The following CNPY1 variants were observed in gnomAD, a reference collection of about 807,000 sequenced individuals.
The protein encoded by CNPY1 is canopy FGF signaling regulator 1, also known as protein canopy homolog 1.
Under a neutral mutation model 14.4 loss-of-function variants are expected in CNPY1, and 14 were observed. The observed-to-expected ratio is 0.97, with a 90% CI of 0.64 to 1.52. The LOEUF (loss-of-function observed/expected upper bound fraction) is 1.52. Ranked by LOEUF, CNPY1 falls within the 40% of genes most tolerant of loss-of-function variation. The pLI is 0.00. For synonymous variants in CNPY1, 43 were observed against 46.5 expected (o/e 0.92, Z 0.31); for missense variants, 129 against 131.5 (o/e 0.98, Z 0.09).
chr7:155,543,082 C>T (rs1797105836), intron 2 of CNPY1, among the ~76,000 whole-genome samples: 2 of 152,174 alleles, frequency 1.3e-5, no homozygotes, highest in African/African-American at 4.8e-5. Flanking sequence ...TCTCCAAGGA[C>T]CCTGTGGCAT....
intron 2 of CNPY1, among the ~76,000 whole-genome samples, chr7:155,529,119 G>A (rs996926953): frequency 6.6e-6 from 1 of 151,972 alleles, no homozygotes; most frequent in Non-Finnish European, 1.5e-5. Flanking sequence ...CTGGGCTTCC[G>A]AACCTGGAGG....
At chr7:155,527,054 C>CTTTCTTTCTTTCTTTTTTTTTT (rs56296833) in intron 2 of CNPY1, among the ~76,000 whole-genome samples, 2 of 90,344 alleles carry the variant, frequency 2.2e-5, no homozygotes, top group African/African-American at 5.1e-5. Flanking sequence ...TTCTTTCTTT[C>CTTTCTTTCTTTCTTTTTTTTTT]TTTTTTTTTT....
intron 2 of CNPY1, among the ~76,000 whole-genome samples, chr7:155,539,083 G>A (rs1797056383): frequency 6.6e-6 from 1 of 152,166 alleles, no homozygotes; most frequent in Non-Finnish European, 1.5e-5. Context: ...CGGTCCCTTG[G>A]TCCATAGAAA....
intron 2 of CNPY1, among the ~76,000 whole-genome samples, chr7:155,542,969 A>G (rs1174426536): frequency 1.3e-5 from 2 of 151,816 alleles, no homozygotes; most frequent in East Asian, 1.9e-4. Flanking sequence ...GGGTCCGCAC[A>G]GTGCCGAGAG....
intron 2 of CNPY1, among the ~76,000 whole-genome samples, chr7:155,512,139 G>A (rs370448610): frequency 1.1e-3 from 163 of 152,256 alleles, no homozygotes; most frequent in African/African-American, 3.9e-3. Context: ...AGGGAGCCTT[G>A]CCTCTGCCCT....
At chr7:155,513,651 T>G (rs1254252983) in intron 2 of CNPY1, among the ~76,000 whole-genome samples, 1 of 152,128 alleles carries the variant, frequency 6.6e-6, no homozygotes, top group Non-Finnish European at 1.5e-5. Context: ...AATGTGATTT[T>G]GGGGGGATAT....
At chr7:155,503,275 G>A (rs1428221474) in intron 4 of CNPY1, among the ~76,000 whole-genome samples, 170 bp from the exon 5 acceptor site, 1 of 152,112 alleles carries the variant, frequency 6.6e-6, no homozygotes, top group Non-Finnish European at 1.5e-5. Flanking sequence ...GCAGAAAGAA[G>A]GGTGTAATCT....
At chr7:155,527,030 T>TTTTCTCTTTCTTTCTTTCTTTCTTTC (rs1554449563) in intron 2 of CNPY1, among the ~76,000 whole-genome samples, 1 of 83,272 alleles carries the variant, frequency 1.2e-5, no homozygotes, top group Non-Finnish European at 2.2e-5. Context: ...TTCTTTTCTT[T>TTTTCTCTTTCTTTCTTTCTTTCTTTC]TTTCTTTCTT....
intron 2 of CNPY1, among the ~76,000 whole-genome samples, chr7:155,527,272 C>G (rs1796843586): frequency 6.6e-6 from 1 of 151,342 alleles, no homozygotes; most frequent in East Asian, 1.9e-4. Context: ...AACGTCGAAG[C>G]CAAAAACCTG....
At chr7:155,525,178 T>C (rs1268437796) in intron 2 of CNPY1, among the ~76,000 whole-genome samples, 1 of 152,182 alleles carries the variant, frequency 6.6e-6, no homozygotes, top group Non-Finnish European at 1.5e-5. Flanking sequence ...TTCATCTTTC[T>C]TTCTTTTTTT....
intron 2 of CNPY1, among the ~76,000 whole-genome samples, chr7:155,542,330 C>G (rs1353667589): frequency 6.6e-6 from 1 of 152,134 alleles, no homozygotes; most frequent in Admixed American, 6.5e-5. Context: ...TCACCAGGCT[C>G]CAAGGAGTGA....
In CNPY1 at chr7:155,509,314, A is replaced by T. The variant is rs79347330; in HGVS notation, c.100-217T>A. ...GGGCTAGCGTAAATTCCAGTTTTTT[A>T]AAAGTGCATATATTTCAAAGTGGCC... On this transcript the variant is annotated intron_variant, in intron 2 of 4. Coordinates refer to ENST00000636446, the MANE Select transcript of CNPY1 (RefSeq NM_001393663.1). Among the ~76,000 whole-genome samples the T allele has an allele frequency of 7.1e-3, 1,089 of 152,310 alleles. 14 individuals are homozygous for T. Among genetic ancestry groups the T allele is most frequent in the African/African-American group, 0.025 (1,032 of 41,564 alleles).
rs1464937985 is a variant in CNPY1, at chr7:155,536,249, C to T, written c.99+9582G>A. Among the ~76,000 whole-genome samples, 3 of 152,112 alleles carry T rather than the reference C, an allele frequency of 2.0e-5. No individual in the cohort carries two copies. Among genetic ancestry groups the T allele is most frequent in the Admixed American group, 1.3e-4 (2 of 15,272 alleles). On this transcript the variant is annotated intron_variant, in intron 2 of 4. Transcript: ENST00000636446. This position sits in a 1 kb window ranked among gnomAD's most constrained non-coding sequence, Gnocchi z 4.1. ...CCAGGGAAGGGGAGGCTGTGGATGA[C>T]TGATCACCCACTGCAGCAGACAGGT...
chr7:155,537,719 C>T (rs1797040031), intron 2 of CNPY1, among the ~76,000 whole-genome samples: 1 of 152,292 alleles, frequency 6.6e-6, no homozygotes, highest in South Asian at 2.1e-4. Flanking sequence ...GTCACTGCGT[C>T]CAGCCTCTGT....
chr7:155,505,007 T>C (rs1254650835), intron 4 of CNPY1, among the ~76,000 whole-genome samples: 2 of 152,182 alleles, frequency 1.3e-5, no homozygotes, highest in Non-Finnish European at 2.9e-5. Flanking sequence ...TTATCATTGA[T>C]GTGTTGCTTG....
chr7:155,520,428 C>CTTTTTTT (rs71522007), intron 2 of CNPY1, among the ~76,000 whole-genome samples: 40 of 69,398 alleles, frequency 5.8e-4, no homozygotes, highest in South Asian at 8.7e-4. Context: ...TTCTTTCTTT[C>CTTTTTTT]TTTTTTTTTT....
intron 2 of CNPY1, among the ~76,000 whole-genome samples, chr7:155,521,290 GACATGA>G (rs1417967929): frequency 6.6e-6 from 1 of 152,202 alleles, no homozygotes; most frequent in Non-Finnish European, 1.5e-5. Flanking sequence ...GCGAAGGACT[GACATGA>G]ACAAAAACAA....
intron 4 of CNPY1, among the ~76,000 whole-genome samples, chr7:155,505,745 T>C (rs1387851344): frequency 6.6e-6 from 1 of 152,244 alleles, no homozygotes; most frequent in Non-Finnish European, 1.5e-5. Flanking sequence ...AATGCCTACA[T>C]ACATCTCTGA....
At chr7:155,540,760 G>A (rs867151440) in intron 2 of CNPY1, among the ~76,000 whole-genome samples, 8 of 152,322 alleles carry the variant, frequency 5.3e-5, no homozygotes, top group Admixed American at 1.3e-4. Context: ...GGAGCTCGGA[G>A]GTTCAAAATC....
Sources: allele counts gnomAD v4.1 joint callset (sites outside exome capture counted in the v4.1 genomes callset), GRCh38; gene constraint gnomAD v4.1.1; non-coding constraint Gnocchi (gnomAD v3.1); transcripts MANE v1.5; gene names NCBI Gene and HGNC (gene_info 2026-07-23, HGNC 2026-07-21).